Variants in ATP10B observed in about 807,000 individuals in gnomAD.
ATP10B encodes phospholipid-transporting ATPase VB.
A neutral mutation model predicts 141.2 loss-of-function variants in ATP10B; 122 were observed. That is an observed-to-expected ratio of 0.86 (90% CI 0.75 to 1.00). ATP10B has a LOEUF of 1.00. Ranked by LOEUF, ATP10B falls within the 50% of genes least tolerant of loss-of-function variation. The probability of loss-of-function intolerance (pLI) is 0.00; values close to 1 mark genes in which losing one functional copy is unlikely to be tolerated. For missense variants in ATP10B, 1,876 were observed against 1,825.3 expected (o/e 1.03, Z -0.51); for synonymous variants, 685 against 692.0 (o/e 0.99, Z 0.16).
intron 7 of ATP10B, among the ~76,000 whole-genome samples, chr5:160,668,575 A>G (rs1398551880): frequency 6.6e-6 from 1 of 152,144 alleles, no homozygotes; most frequent in Non-Finnish European, 1.5e-5. Context: ...GTAATAAGCA[A>G]AGGGTGAGAA....
intron 1 of ATP10B, among the ~76,000 whole-genome samples, chr5:160,814,322 G>A (rs959424685): frequency 6.6e-6 from 1 of 151,834 alleles, no homozygotes; most frequent in African/African-American, 2.4e-5. Context: ...CATGGCAAGA[G>A]AACTACGTGA....
intron 2 of ATP10B, among the ~76,000 whole-genome samples, chr5:160,775,423 G>A (rs1770223497): frequency 6.6e-6 from 1 of 152,118 alleles, no homozygotes; most frequent in Non-Finnish European, 1.5e-5. Context: ...TAGTATATAT[G>A]TTTTTTAACC....
At chr5:160,784,670 T>C (rs1771003063) in intron 2 of ATP10B, among the ~76,000 whole-genome samples, 1 of 152,116 alleles carries the variant, frequency 6.6e-6, no homozygotes, top group Non-Finnish European at 1.5e-5. Context: ...AGTCTAAGTA[T>C]TTCTTTCATT....
At chr5:160,709,535 A>C (rs977510380) in intron 3 of ATP10B, among the ~76,000 whole-genome samples, 3 of 152,204 alleles carry the variant, frequency 2.0e-5, no homozygotes, top group Non-Finnish European at 2.9e-5. Context: ...AAAAATGAGA[A>C]GTCTAATTAA....
chr5:160,782,909 A>G (rs1047583626), intron 2 of ATP10B, among the ~76,000 whole-genome samples: 1 of 152,136 alleles, frequency 6.6e-6, no homozygotes, highest in Non-Finnish European at 1.5e-5. Context: ...CATATGTGTT[A>G]TGTGTTTATA....
Position 160,589,641 on chromosome 5 carries a change from A to T in ATP10B, c.3701T>A (p.Ile1234Asn). The T allele has an allele frequency of 6.2e-7, 1 of 1,614,026 alleles. No homozygotes were observed. The highest frequency in any genetic ancestry group is 8.5e-7 in the Non-Finnish European group (1 of 1,179,980). The change falls in exon 24 of 26, where the codon ATC (isoleucine) becomes AAC (asparagine). Residue 1234 changes from isoleucine to asparagine, a missense_variant. Transcript: ENST00000327245. ...VFTFGTPINT[I>N]SLTTILLHQA... Reference sequence around the variant, plus strand: ...GTGCAAAAGGATTGTGGTGAGGGAGATGGTGTTGATTGGTGTCCCAAAGGT... The same window carrying T: ...GTGCAAAAGGATTGTGGTGAGGGAGTTGGTGTTGATTGGTGTCCCAAAGGT...
the ATP10B span, among the ~76,000 whole-genome samples, chr5:160,917,999 C>T: frequency 6.6e-6 from 1 of 152,206 alleles, no homozygotes; most frequent in Non-Finnish European, 1.5e-5. Context: ...GGTTTATCTG[C>T]ACAGTCAGCT....
chr5:160,895,811 C>T, the ATP10B span, among the ~76,000 whole-genome samples: 24 of 152,174 alleles, frequency 1.6e-4, no homozygotes, highest in Non-Finnish European at 3.4e-4. Context: ...AAACACTCCT[C>T]AGCAAATGCA....
At chr5:160,628,571 T>G (rs541983498) in intron 13 of ATP10B, among the ~76,000 whole-genome samples, 42 of 152,106 alleles carry the variant, frequency 2.8e-4, no homozygotes, top group African/African-American at 9.2e-4. Flanking sequence ...CGCTCCTCTC[T>G]GTTGCATTCT....
chr5:160,685,543 A>G (rs1404484632), intron 6 of ATP10B, among the ~76,000 whole-genome samples: 2 of 152,278 alleles, frequency 1.3e-5, no homozygotes, highest in East Asian at 1.9e-4. Context: ...TAAAAGCAAG[A>G]ATTTTCAACC....
At chr5:160,825,603 T>G (rs1774535768) in intron 1 of ATP10B, among the ~76,000 whole-genome samples, 1 of 152,216 alleles carries the variant, frequency 6.6e-6, no homozygotes, top group South Asian at 2.1e-4. Context: ...GATTTCCAAT[T>G]AAAATTTATT....
chr5:160,615,790 A>C (rs1477461736), intron 17 of ATP10B, 48 bp downstream of exon 17: 2 of 1,593,090 alleles, frequency 1.3e-6, no homozygotes, highest in Non-Finnish European at 1.7e-6. Context: ...TCCCTTCTCA[A>C]CTGGCTGCAT....
chr5:160,782,327 G>C (rs1052176526), intron 2 of ATP10B, among the ~76,000 whole-genome samples: 3 of 151,954 alleles, frequency 2.0e-5, no homozygotes, highest in African/African-American at 7.2e-5. Context: ...CAAATCTAAC[G>C]GTTGTCTGCA....
chr5:160,862,458 A>G, the ATP10B span, among the ~76,000 whole-genome samples: 1 of 152,070 alleles, frequency 6.6e-6, no homozygotes, highest in East Asian at 1.9e-4. Flanking sequence ...ATTTCTTGCA[A>G]TAAGTTTATT....
chr5:160,653,623 T>TAC lies in ATP10B; in HGVS notation c.676-4368_676-4367insGT, dbSNP rs1380061980. Among the ~76,000 whole-genome samples the TAC allele has an allele frequency of 7.0e-3, 348 of 49,714 alleles. 22 individuals are homozygous for TAC. The highest frequency in any genetic ancestry group is 0.023 in the African/African-American group (325 of 13,930). The allele number at this position is 49,714 out of a possible 152,430, so 32.6% of individuals were successfully genotyped here. On this transcript the variant is annotated intron_variant, in intron 7 of 25. Transcript: ENST00000327245. ...CATATATACATATATACATATATAT[T>TAC]ATATATACATATATACATATATATT...
chr5:160,718,761 G>A (rs557719580), intron 2 of ATP10B, among the ~76,000 whole-genome samples: 3 of 152,270 alleles, frequency 2.0e-5, no homozygotes, highest in Admixed American at 1.3e-4. Flanking sequence ...AGCCACCCAA[G>A]AGGGATCCGA....
At chr5:160,877,744 GACAA>G in the ATP10B span, among the ~76,000 whole-genome samples, 738 of 117,184 alleles carry the variant, frequency 6.3e-3, 10 homozygotes, top group African/African-American at 0.019. Context: ...ACCAATAACA[GACAA>G]ACAGAGAGCC....
intron 1 of ATP10B, among the ~76,000 whole-genome samples, chr5:160,786,639 G>A (rs773625534): frequency 2.6e-5 from 4 of 152,078 alleles, no homozygotes; most frequent in African/African-American, 4.8e-5. Context: ...CACACTCATT[G>A]CTAACTTTAC....
chr5:160,847,360 T>G (rs115510173), intron 1 of ATP10B, among the ~76,000 whole-genome samples: 1 of 152,322 alleles, frequency 6.6e-6, no homozygotes, highest in Non-Finnish European at 1.5e-5. Flanking sequence ...GTCTCCAGAT[T>G]CACAAGCATA....
Sources: gnomAD v4.1 joint callset for allele counts (sites outside exome capture counted in the v4.1 genomes callset) on GRCh38, gnomAD v4.1.1 for gene constraint, MANE v1.5 for transcripts, NCBI Gene and HGNC (gene_info 2026-07-23, HGNC 2026-07-21) for gene names.